Variants in KCNIP4 observed in about 807,000 individuals in gnomAD.
The protein encoded by KCNIP4 is potassium voltage-gated channel interacting protein 4.
A neutral mutation model predicts 34.0 loss-of-function variants in KCNIP4; 12 were observed. The ratio of observed to expected loss-of-function variants is 0.35; its 90% CI spans 0.23 to 0.57. KCNIP4 has a LOEUF of 0.57. Ranked by LOEUF, KCNIP4 falls within the 20% of genes least tolerant of loss-of-function variation. The pLI is 0.83. For synonymous variants in KCNIP4, 124 were observed against 102.2 expected, an observed-to-expected ratio of 1.21 and a Z score of -1.29; for missense variants, 238 against 311.7, an observed-to-expected ratio of 0.76 and a Z score of 1.78.
chr4:21,712,059 A>G (rs947149273), intron 1 of KCNIP4, among the ~76,000 whole-genome samples: 1 of 152,132 alleles, frequency 6.6e-6, no homozygotes, highest in Non-Finnish European at 1.5e-5. Context: ...TGCCTTCCCT[A>G]CAGTCCAAAA....
intron 1 of KCNIP4, among the ~76,000 whole-genome samples, chr4:21,201,170 A>G (rs947128835): frequency 6.6e-6 from 1 of 152,354 alleles, no homozygotes; most frequent in South Asian, 2.1e-4. Context: ...ATGCCTATGT[A>G]TCAATGAGCT....
rs375787939 is a variant in KCNIP4 at position 21,589,156 on chromosome 4, GTATATATATATATATATATATA to G, written c.61+359393_61+359414del. Among the ~76,000 whole-genome samples, 16 of 71,244 alleles carry G rather than the reference GTATATATATATATATATATATA, an allele frequency of 2.2e-4. 1 individual carries two copies. The highest frequency in any genetic ancestry group is 1.3e-3 in the East Asian group (3 of 2,350). The allele number at this position is 71,244 out of a possible 152,430, so 46.7% of individuals were successfully genotyped here. A position where few individuals can be genotyped will look rare whatever the true frequency, so the allele number is the denominator to read the frequency against. On this transcript the variant is annotated intron_variant, in intron 1 of 8. Transcript: ENST00000382152. ...TGTAGGGGCACAAAAATGGAGGTGT[GTATATATATATATATATATATA>G]TATATATATATATATATATATATGT...
At chr4:21,018,446 A>G (rs1739746495) in intron 1 of KCNIP4, among the ~76,000 whole-genome samples, 1 of 152,016 alleles carries the variant, frequency 6.6e-6, no homozygotes, top group African/African-American at 2.4e-5. Context: ...TGGCTCCTGT[A>G]CTCCTGAATG....
chr4:21,369,663 T>C (rs1720133090), intron 1 of KCNIP4, among the ~76,000 whole-genome samples: 1 of 147,120 alleles, frequency 6.8e-6, no homozygotes, highest in African/African-American at 2.7e-5. Context: ...CTGAGCTAAG[T>C]AGTTGTAGCA....
intron 1 of KCNIP4, among the ~76,000 whole-genome samples, chr4:21,282,007 T>C (rs2109171283): frequency 6.6e-6 from 1 of 152,300 alleles, no homozygotes; most frequent in African/African-American, 2.4e-5. Context: ...GGCTAACTTC[T>C]AGAATAGAGT....
chr4:20,959,301 C>A (rs1733624342), intron 1 of KCNIP4, among the ~76,000 whole-genome samples: 1 of 152,116 alleles, frequency 6.6e-6, no homozygotes, highest in Non-Finnish European at 1.5e-5. Context: ...TCTGTTATTA[C>A]AATTGCTACC....
At position 21,907,339 on chromosome 4, in the gene KCNIP4, C is replaced by T. The variant is rs116560677; in HGVS notation, c.61+41232G>A. On this transcript the variant is annotated intron_variant, in intron 1 of 8. Transcript: ENST00000382152. The stretch of plus-strand genomic sequence containing the variant: ...TTTCACACACACTAGCTTGGTCTTC[C>T]GCTTTTCCACCATGTTATGAGGCAG... 6.8e-3 allele frequency among the ~76,000 whole-genome samples: 1,030 copies of T among 152,200 alleles called. 16 individuals are homozygous for T. Among genetic ancestry groups the T allele is most frequent in the African/African-American group, 0.023 (972 of 41,498 alleles).
intron 1 of KCNIP4, among the ~76,000 whole-genome samples, chr4:21,589,339 T>C (rs1437511729): frequency 6.7e-6 from 1 of 148,232 alleles, no homozygotes; most frequent in Non-Finnish European, 1.5e-5. Context: ...TGTATATATA[T>C]ACATGTGTAT....
intron 1 of KCNIP4, among the ~76,000 whole-genome samples, chr4:21,516,317 C>A (rs75250586): frequency 0.18 from 27,123 of 152,098 alleles, 2,796 homozygotes; most frequent in Middle Eastern, 0.27. Context: ...ACAAAGTAAT[C>A]CAGCTCTATT....
chr4:21,259,479 T>C (rs905998298), intron 1 of KCNIP4, among the ~76,000 whole-genome samples: 2 of 152,106 alleles, frequency 1.3e-5, no homozygotes, highest in Non-Finnish European at 2.9e-5. Flanking sequence ...CCATCTCAAG[T>C]TTTTACACCA....
At chr4:21,735,010 T>G (rs1261798034) in intron 1 of KCNIP4, among the ~76,000 whole-genome samples, 1 of 152,132 alleles carries the variant, frequency 6.6e-6, no homozygotes. Flanking sequence ...TTTCACTCAT[T>G]CATTGCCTCA....
chr4:21,208,605 T>C (rs988446540), intron 1 of KCNIP4, among the ~76,000 whole-genome samples: 10 of 152,160 alleles, frequency 6.6e-5, no homozygotes, highest in Non-Finnish European at 1.3e-4. Flanking sequence ...ACGGTCTTTT[T>C]TTCCCCTTCT....
chr4:21,605,307 T>G (rs1743552580), intron 1 of KCNIP4, among the ~76,000 whole-genome samples: 1 of 152,148 alleles, frequency 6.6e-6, no homozygotes, highest in Non-Finnish European at 1.5e-5. Flanking sequence ...AAATAAACTT[T>G]CCTTGGAGGC....
chr4:21,120,377 C>T (rs964782830), intron 1 of KCNIP4, among the ~76,000 whole-genome samples: 5 of 152,100 alleles, frequency 3.3e-5, no homozygotes, highest in South Asian at 2.1e-4. Flanking sequence ...GTCTTCTCCC[C>T]GTGTCTTCAC....
intron 1 of KCNIP4, among the ~76,000 whole-genome samples, chr4:20,925,613 C>T (rs1729827054): frequency 6.6e-6 from 1 of 152,168 alleles, no homozygotes; most frequent in Non-Finnish European, 1.5e-5. Context: ...TCTCTACTTT[C>T]CTAGTGAACT....
chr4:21,348,108 C>T (rs1717638711), intron 1 of KCNIP4, among the ~76,000 whole-genome samples: 1 of 152,108 alleles, frequency 6.6e-6, no homozygotes, highest in Non-Finnish European at 1.5e-5. Context: ...TGGAAAGGGG[C>T]AGTTATTCAT....
intron 1 of KCNIP4, among the ~76,000 whole-genome samples, chr4:21,790,406 C>G (rs992015585): frequency 1.3e-5 from 2 of 152,138 alleles, no homozygotes; most frequent in African/African-American, 4.8e-5. Context: ...GAGTATGTTA[C>G]AGAGTACACT....
intron 1 of KCNIP4, among the ~76,000 whole-genome samples, chr4:21,442,950 C>G (rs1231371659): frequency 1.3e-5 from 2 of 152,170 alleles, no homozygotes; most frequent in East Asian, 3.9e-4. Flanking sequence ...TCCATTTGAT[C>G]TTTTCAATCT....
chr4:20,789,350 A>T (rs1712429625), intron 3 of KCNIP4, among the ~76,000 whole-genome samples: 1 of 152,176 alleles, frequency 6.6e-6, no homozygotes, highest in African/African-American at 2.4e-5. Flanking sequence ...ATAAAAGAAA[A>T]ATAAAGACAA....
Sources: gnomAD v4.1 joint callset for allele counts (sites outside exome capture counted in the v4.1 genomes callset) on GRCh38, gnomAD v4.1.1 for gene constraint, MANE v1.5 for transcripts, NCBI Gene and HGNC (gene_info 2026-07-23, HGNC 2026-07-21) for gene names.